ASXL3: variants seen among roughly 807,000 people sequenced by gnomAD.
ASXL3 encodes the protein ASXL transcriptional regulator 3, also known as putative Polycomb group protein ASXL3.
In ASXL3, 34 loss-of-function variants were observed where a neutral mutation model predicts 170.6. That is an observed-to-expected ratio of 0.20 (90% CI 0.15 to 0.27). The LOEUF (loss-of-function observed/expected upper bound fraction) is 0.27. ASXL3 is among the 10% of genes least tolerant of loss of function. The probability of loss-of-function intolerance (pLI) is 1.00; values close to 1 mark genes in which losing one functional copy is unlikely to be tolerated. For synonymous variants in ASXL3, 1,002 were observed against 989.1 expected (o/e 1.01, Z -0.24); for missense variants, 2,592 against 2,695.3 (o/e 0.96, Z 0.85).
chr18:33,666,472 A>G (rs1054848044), intron 5 of ASXL3, among the ~76,000 whole-genome samples: 2 of 152,204 alleles, frequency 1.3e-5, no homozygotes, highest in East Asian at 3.9e-4. Flanking sequence ...ACCCCTGTGC[A>G]GGACACAGCA....
Position 33,745,476 on chromosome 18 carries a change from A to C in ASXL3, c.5628A>C (p.Gln1876His), listed in dbSNP as rs1194416944. The C allele has an allele frequency of 6.2e-7, 1 of 1,613,956 alleles. No homozygotes were observed. Among genetic ancestry groups the C allele is most frequent in the African/African-American group, 1.3e-5 (1 of 74,942 alleles). Residue 1876 changes from glutamine to histidine, a missense_variant, in exon 12 of 12, where the codon CAA (glutamine) becomes CAC (histidine). By Grantham distance (24) the Gln-to-His change is conservative (BLOSUM62 0). Coordinates refer to ENST00000269197, the MANE Select transcript of ASXL3 (RefSeq NM_030632.3). Reference protein sequence around the residue: ...SQLGHSQPFKQEWLNKHSMQN... With the variant: ...SQLGHSQPFKHEWLNKHSMQN... ...TAGGACACAGCCAGCCATTTAAGCA[A>C]GAATGGCTAAACAAGCACTCCATGC...
At chr18:33,715,772 A>C (rs1254544375) in intron 8 of ASXL3, among the ~76,000 whole-genome samples, 7 of 152,174 alleles carry the variant, frequency 4.6e-5, no homozygotes, top group African/African-American at 1.7e-4. Context: ...GAGGGGGTAC[A>C]TATCAAAAAA....
rs758537344 is a variant in ASXL3 at position 33,739,364 on chromosome 18, T to A, written c.1960T>A (p.Ser654Thr). The A allele has an allele frequency of 6.2e-7, 1 of 1,613,726 alleles. No homozygotes were observed. Among genetic ancestry groups the A allele is most frequent in the East Asian group, 2.2e-5 (1 of 44,870 alleles). The change falls in exon 11 of 12, where the codon TCT becomes ACT. Residue 654 changes from serine to threonine, a missense_variant. By Grantham distance (58) the Ser-to-Thr change is moderately conservative. Around this residue, in one of 4 missense-constraint regions of ASXL3, gnomAD observed 2,246 missense variants for 2,219.6 expected, o/e 1.01. Coordinates refer to ENST00000269197, the MANE Select transcript of ASXL3 (RefSeq NM_030632.3). ...TGAGACAACATTTTGTTCTGAGGTA[T>A]CTAGCACTGAAAATACAGACAAATA... ...SLETTFCSEV[S>T]STENTDKYNQ...
chr18:33,708,563 C>T (rs1444888723), intron 8 of ASXL3, among the ~76,000 whole-genome samples: 1 of 152,140 alleles, frequency 6.6e-6, no homozygotes, highest in Non-Finnish European at 1.5e-5. Context: ...TGATTTTGTA[C>T]TGGATAATCC....
chr18:33,582,715 T>TGC (rs1414877024), intron 1 of ASXL3, among the ~76,000 whole-genome samples: 4 of 148,608 alleles, frequency 2.7e-5, no homozygotes, highest in South Asian at 2.1e-4. Context: ...TCTGTGTGTG[T>TGC]GTGTGTGTGT....
rs2067767909 is a variant in ASXL3, at chr18:33,745,625, C to T, written c.5777C>T (p.Ser1926Leu). 1 of 1,613,848 alleles carries T rather than the reference C, an allele frequency of 6.2e-7. No individual in the cohort carries two copies. The highest frequency in any genetic ancestry group is 1.3e-5 in the African/African-American group (1 of 74,912). ...NGGFHTDAGT[S>L]HRQQFYQMPV... Reference sequence around the variant, plus strand: ...GGCTTCCACACTGACGCTGGTACCTCACACAGACAGCAGTTTTACCAAATG... The same window carrying T: ...GGCTTCCACACTGACGCTGGTACCTTACACAGACAGCAGTTTTACCAAATG... The change falls in exon 12 of 12, where the codon TCA becomes TTA. Residue 1926 changes from serine to leucine, a missense_variant. This residue lies in a region of ASXL3 where 2,246 missense variants were observed against 2,219.6 expected (regional missense o/e 1.01). Transcript: ENST00000269197.
intron 8 of ASXL3, among the ~76,000 whole-genome samples, chr18:33,686,039 C>T (rs181479249): frequency 2.7e-4 from 41 of 152,276 alleles, no homozygotes; most frequent in Admixed American, 1.8e-3. Context: ...TAGTTTTAGT[C>T]GAATATTGAT....
chr18:33,731,101 A>G (rs190685985), intron 8 of ASXL3, among the ~76,000 whole-genome samples: 1 of 152,262 alleles, frequency 6.6e-6, no homozygotes, highest in Admixed American at 6.5e-5. Flanking sequence ...TTTGCTCCTG[A>G]ATGATGATTG....
chr18:33,630,497 A>C (rs2065661340), intron 2 of ASXL3, among the ~76,000 whole-genome samples: 1 of 152,006 alleles, frequency 6.6e-6, no homozygotes, highest in Non-Finnish European at 1.5e-5. Context: ...TAGGTGGATA[A>C]AGAAGGAGGA....
chr18:33,742,882 T>A lies in ASXL3; in HGVS notation c.3040-6T>A. 1 of 1,584,576 alleles carries A rather than the reference T, an allele frequency of 6.3e-7. No individual in the cohort carries two copies. The highest frequency in any genetic ancestry group is 1.2e-5 in the South Asian group (1 of 86,936). On this transcript the variant is annotated splice_region_variant and splice_polypyrimidine_tract_variant and intron_variant, in intron 11 of 11. Transcript: ENST00000269197. ...CATTATATTTTTTTTTCTGTCCTCC[T>A]TTTAGATTCAGCTTTCCAAAATTGG...
chr18:33,738,580 T>C lies in ASXL3; in HGVS notation c.1176T>C (p.Leu392=). The change falls in exon 11 of 12, where the codon CTT becomes CTC. Residue 392 remains leucine (L), a synonymous_variant. Transcript: ENST00000269197. ...QSSSSCGTSG[L]PVSAQTALAE... ...GTTCTTCATGTGGGACTTCTGGCCT[T>C]CCAGTTTCTGCACAGACAGCCTTGG... 1.9e-6 allele frequency: 3 copies of C among 1,613,876 alleles called. No homozygotes were observed. The highest frequency in any genetic ancestry group is 2.5e-6 in the Non-Finnish European group (3 of 1,179,830).
chr18:33,746,457 C>T lies in ASXL3; in HGVS notation c.6609C>T (p.Ser2203=), dbSNP rs1304177986. ...TGCCCGTTCAGAACTTTGCCGACAG[C>T]AGCAATGCAGATGAATTGGAACTGA... ...AQMPVQNFAD[S]SNADELELKC... Residue 2203 remains serine, a synonymous_variant, in exon 12 of 12, where the codon AGC becomes AGT. Coordinates refer to ENST00000269197, the MANE Select transcript of ASXL3 (RefSeq NM_030632.3). 5 of 1,613,930 alleles carry T rather than the reference C, an allele frequency of 3.1e-6. No individual in the cohort carries two copies. Among genetic ancestry groups the T allele is most frequent in the Non-Finnish European group, 4.2e-6 (5 of 1,179,902 alleles).
intron 5 of ASXL3, among the ~76,000 whole-genome samples, chr18:33,669,112 ATTGATAGGTTAATTTCTATAAAGTACT>A (rs1284469624): frequency 4.6e-5 from 7 of 152,232 alleles, no homozygotes; most frequent in African/African-American, 1.7e-4. Flanking sequence ...TTTATTATTG[ATTGATAGGTTAATTTCTATAAAGTACT>A]TTGAATTCTT....
rs766195581 is a variant in ASXL3, at chr18:33,738,993, T to C, written c.1589T>C (p.Met530Thr). The C allele has an allele frequency of 3.1e-6, 5 of 1,613,768 alleles. No individual in the cohort carries two copies. The highest frequency in any genetic ancestry group is 3.3e-5 in the Admixed American group (2 of 59,948). ...EGKSESPQEE[M>T]TVVIDQLEVC... ...AAGTCAGAATCACCCCAGGAAGAAATGACAGTTGTTATCGATCAGTTAGAA... is the reference window on the plus strand; with the variant it reads ...AAGTCAGAATCACCCCAGGAAGAAACGACAGTTGTTATCGATCAGTTAGAA... The change falls in exon 11 of 12, where the codon ATG becomes ACG. Residue 530 changes from methionine (M) to threonine (T), a missense_variant. This residue lies in a region of ASXL3 where 2,246 missense variants were observed against 2,219.6 expected (regional missense o/e 1.01). Coordinates refer to ENST00000269197, the MANE Select transcript of ASXL3 (RefSeq NM_030632.3).
chr18:33,592,348 A>T (rs1032203619), intron 1 of ASXL3, among the ~76,000 whole-genome samples: 1 of 152,354 alleles, frequency 6.6e-6, no homozygotes, highest in East Asian at 1.9e-4. Context: ...GCAAGTAGAT[A>T]TTACCTCATA....
rs202149114 is a variant in ASXL3, at chr18:33,739,400, A to G, written c.1996A>G (p.Asn666Asp). The G allele has an allele frequency of 2.3e-5, 37 of 1,613,716 alleles. No homozygotes were observed. Among genetic ancestry groups the G allele is most frequent in the Non-Finnish European group, 2.9e-5 (34 of 1,179,828 alleles). Residue 666 changes from asparagine to aspartate, a missense_variant, in exon 11 of 12, where the codon AAT (asparagine) becomes GAT (aspartate). Around this residue, in one of 4 missense-constraint regions of ASXL3, gnomAD observed 2,246 missense variants for 2,219.6 expected, o/e 1.01. Coordinates refer to ENST00000269197, the MANE Select transcript of ASXL3 (RefSeq NM_030632.3). Reference sequence around the variant, plus strand: ...AAATACAGACAAATACAACCAGAGAAATTCCACTGATGAAAACTTTCATGC... The same window carrying G: ...AAATACAGACAAATACAACCAGAGAGATTCCACTGATGAAAACTTTCATGC... ...TENTDKYNQRNSTDENFHASL... is the reference protein window; with the variant it reads ...TENTDKYNQRDSTDENFHASL...
intron 4 of ASXL3, among the ~76,000 whole-genome samples, chr18:33,647,624 G>A (rs559302472): frequency 1.6e-4 from 24 of 152,116 alleles, no homozygotes; most frequent in African/African-American, 5.3e-4. Context: ...AACTGCAGTT[G>A]CTCCTAGTGT....
intron 7 of ASXL3, among the ~76,000 whole-genome samples, chr18:33,674,773 C>G (rs988425511): frequency 2.6e-5 from 4 of 151,994 alleles, no homozygotes; most frequent in African/African-American, 9.7e-5. Context: ...CGCCCACCAC[C>G]ACACCCGGCT....
intron 8 of ASXL3, among the ~76,000 whole-genome samples, chr18:33,713,229 G>GTTTTTTTTTTTTTTTTTTTTT (rs1478922106): frequency 4.9e-5 from 4 of 81,760 alleles, no homozygotes; most frequent in African/African-American, 6.2e-5. Flanking sequence ...CCACAAGAAG[G>GTTTTTTTTTTTTTTTTTTTTT]TTTTTTTTGT....
Sources: allele counts gnomAD v4.1 joint callset (sites outside exome capture counted in the v4.1 genomes callset), GRCh38; gene constraint gnomAD v4.1.1; regional missense constraint gnomAD v4.1.1; transcripts MANE v1.5; gene names NCBI Gene and HGNC (gene_info 2026-07-23, HGNC 2026-07-21).